The following ZBBX variants were observed in gnomAD, a reference collection of about 807,000 sequenced individuals.
ZBBX encodes zinc finger B-box domain containing.
In ZBBX, 101 loss-of-function variants were observed where a neutral mutation model predicts 108.5. The observed-to-expected ratio is 0.93, with a 90% CI of 0.79 to 1.10. The LOEUF (loss-of-function observed/expected upper bound fraction) is 1.10, where lower values mean the gene tolerates loss of function less well. Ranked by LOEUF, ZBBX falls within the 50% of genes least tolerant of loss-of-function variation. ZBBX has a pLI of 0.00. For missense variants in ZBBX, 1,009 were observed against 941.4 expected (o/e 1.07, Z -0.94); for synonymous variants, 356 against 323.4 (o/e 1.10, Z -1.08).
downstream of ZBBX, among the ~76,000 whole-genome samples, chr3:167,238,393 T>C (rs968992639): frequency 2.6e-5 from 4 of 152,050 alleles, no homozygotes; most frequent in African/African-American, 9.7e-5. Context: ...TATTACTTGC[T>C]TTCTTGATTG....
At chr3:167,259,959 T>C (rs1250409336) in intron 20 of ZBBX, among the ~76,000 whole-genome samples, 1 of 152,198 alleles carries the variant, frequency 6.6e-6, no homozygotes, top group Non-Finnish European at 1.5e-5. Context: ...AGGTTCTGTT[T>C]TGATGTGTTT....
chr3:167,393,535 A>C (rs41463949), intron 1 of ZBBX, among the ~76,000 whole-genome samples: 5,081 of 151,958 alleles, frequency 0.033, 187 homozygotes, highest in East Asian at 0.11. Context: ...CTGCTCCAAG[A>C]AATAAAGTAA....
intron 1 of ZBBX, among the ~76,000 whole-genome samples, chr3:167,386,238 T>G (rs1368178170): frequency 6.6e-6 from 1 of 151,988 alleles, no homozygotes; most frequent in Admixed American, 6.6e-5. Context: ...TCTGGAAATT[T>G]TCCCCTTCCT....
chr3:167,249,215 T>C (rs988340841), intron 20 of ZBBX, among the ~76,000 whole-genome samples: 1 of 151,998 alleles, frequency 6.6e-6, no homozygotes, highest in African/African-American at 2.4e-5. Flanking sequence ...TTCATTTCTA[T>C]ACCATCTGGC....
At chr3:167,279,385 C>A (rs1318461918) in intron 20 of ZBBX, among the ~76,000 whole-genome samples, 3 of 151,970 alleles carry the variant, frequency 2.0e-5, no homozygotes, top group African/African-American at 7.3e-5. Flanking sequence ...AGCTGATAAG[C>A]AACTTCAGCA....
At chr3:167,283,656 GT>G (rs995156205) in intron 19 of ZBBX, among the ~76,000 whole-genome samples, 1 of 152,048 alleles carries the variant, frequency 6.6e-6, no homozygotes, top group Non-Finnish European at 1.5e-5. Context: ...GGTTTTGGGA[GT>G]TTTTTTGGAG....
At chr3:167,332,759 T>G (rs1560139832) in intron 10 of ZBBX, among the ~76,000 whole-genome samples, 1 of 152,122 alleles carries the variant, frequency 6.6e-6, no homozygotes, top group Non-Finnish European at 1.5e-5. Flanking sequence ...AAAACCACAG[T>G]CTCTGCAAAA....
the ZBBX span, among the ~76,000 whole-genome samples, chr3:167,187,166 A>C: frequency 1.4e-4 from 22 of 152,282 alleles, no homozygotes; most frequent in African/African-American, 5.3e-4. Context: ...TATCATTATA[A>C]TATATAAGAT....
chr3:167,333,182 A>G (rs1352548349), intron 10 of ZBBX, among the ~76,000 whole-genome samples: 2 of 152,038 alleles, frequency 1.3e-5, no homozygotes, highest in Non-Finnish European at 2.9e-5. Context: ...TGGTCAAAAT[A>G]TAACAAGCAG....
downstream of ZBBX, among the ~76,000 whole-genome samples, chr3:167,239,293 T>C (rs1240928148): frequency 1.3e-5 from 2 of 152,076 alleles, no homozygotes; most frequent in African/African-American, 4.8e-5. Flanking sequence ...CTTATTTAAA[T>C]GTTAATCTAA....
the ZBBX span, among the ~76,000 whole-genome samples, chr3:167,183,148 C>G: frequency 0.013 from 2,025 of 152,278 alleles, 22 homozygotes; most frequent in South Asian, 0.026. Context: ...GCCACTTTAG[C>G]TTTAGCTGGC....
chr3:167,383,189 T>G (rs183460832), upstream of ZBBX, among the ~76,000 whole-genome samples: 26 of 152,238 alleles, frequency 1.7e-4, no homozygotes, highest in Admixed American at 9.2e-4. Context: ...CAATTTCCAT[T>G]TGCTCTTTGG....
chr3:167,196,876 C>T, the ZBBX span, among the ~76,000 whole-genome samples: 1 of 152,040 alleles, frequency 6.6e-6, no homozygotes, highest in Non-Finnish European at 1.5e-5. Context: ...TAGATATTAT[C>T]GAATTCATTC....
rs1432479597 is a variant in ZBBX at position 167,239,886 on chromosome 3, T to C, written c.*907A>G. On this transcript the variant is annotated 3_prime_UTR_variant, in exon 22 of 22. Coordinates refer to ENST00000675490, the MANE Select transcript of ZBBX (RefSeq NM_001199201.2). ...GGTTTAATTGACTCACAGTTCAGCA[T>C]GGTGGGGGAGGCCTCAGGAAATCAT... 6.6e-6 allele frequency among the ~76,000 whole-genome samples: 1 copy of C among 152,118 alleles called. No homozygotes were observed. Among genetic ancestry groups the C allele is most frequent in the East Asian group, 1.9e-4 (1 of 5,180 alleles).
chr3:167,197,330 A>G, the ZBBX span, among the ~76,000 whole-genome samples: 1 of 152,182 alleles, frequency 6.6e-6, no homozygotes, highest in African/African-American at 2.4e-5. Flanking sequence ...CGAGGTCAGA[A>G]GATCGAGACC....
intron 5 of ZBBX, among the ~76,000 whole-genome samples, chr3:167,366,205 G>A (rs1337024613): frequency 3.3e-5 from 5 of 151,806 alleles, no homozygotes; most frequent in African/African-American, 7.2e-5. Flanking sequence ...AAAATGAAAT[G>A]TCCAAACACA....
chr3:167,226,691 G>A, the ZBBX span, among the ~76,000 whole-genome samples: 1 of 151,466 alleles, frequency 6.6e-6, no homozygotes, highest in African/African-American at 2.4e-5. Flanking sequence ...TTTTCATGTA[G>A]TCTTTTCTCA....
At chr3:167,230,793 A>G in the ZBBX span, among the ~76,000 whole-genome samples, 1 of 151,952 alleles carries the variant, frequency 6.6e-6, no homozygotes, top group African/African-American at 2.4e-5. Context: ...TTGTAATGCA[A>G]GGCCAGTGGA....
At chr3:167,251,831 C>A (rs555893680) in intron 20 of ZBBX, among the ~76,000 whole-genome samples, 1 of 151,764 alleles carries the variant, frequency 6.6e-6, no homozygotes, top group Non-Finnish European at 1.5e-5. Flanking sequence ...GTGGTGGTTT[C>A]GTTTCAAACC....
Sources: allele counts gnomAD v4.1 joint callset (sites outside exome capture counted in the v4.1 genomes callset), GRCh38; gene constraint gnomAD v4.1.1; transcripts MANE v1.5; gene names NCBI Gene and HGNC (gene_info 2026-07-23, HGNC 2026-07-21).